The following GRIK4 variants were observed in gnomAD, a reference collection of about 807,000 sequenced individuals.
GRIK4 encodes the protein glutamate ionotropic receptor kainate type subunit 4.
A neutral mutation model predicts 104.9 loss-of-function variants in GRIK4; 40 were observed. The observed-to-expected ratio is 0.38, with a 90% CI of 0.30 to 0.50. The LOEUF (loss-of-function observed/expected upper bound fraction) is 0.50. Ranked by LOEUF, GRIK4 falls within the 20% of genes least tolerant of loss-of-function variation. The pLI is 0.93. For missense variants in GRIK4, 1,047 were observed against 1,308.1 expected, an observed-to-expected ratio of 0.80 and a Z score of 3.08; for synonymous variants, 485 against 524.9, an observed-to-expected ratio of 0.92 and a Z score of 1.04.
At chr11:120,704,656 T>C (rs542107122) in intron 3 of GRIK4, among the ~76,000 whole-genome samples, 17 of 152,220 alleles carry the variant, frequency 1.1e-4, no homozygotes, top group African/African-American at 3.9e-4. Context: ...GGGCATGGTA[T>C]GTGGTCGGTA....
At position 120,923,404 on chromosome 11, in the gene GRIK4, A is replaced by ATTT. The variant is rs775194642; in HGVS notation, c.1477-16920_1477-16918dup. ...CATGCTAGGCCCGATCCATTTGCTC[A>ATTT]TTTTTTTTTTTTTTTTTTTTTTTTT... On this transcript the variant is annotated intron_variant, in intron 13 of 20. Transcript: ENST00000527524. 4.0e-3 allele frequency among the ~76,000 whole-genome samples: 325 copies of ATTT among 81,626 alleles called. 1 individual carries two copies. The highest frequency in any genetic ancestry group is 4.8e-3 in the Non-Finnish European group (214 of 45,038). 53.5% of individuals were successfully genotyped at this position (81,626 alleles called of 152,430 possible).
chr11:120,618,928 AT>A (rs1185105562), intron 1 of GRIK4, among the ~76,000 whole-genome samples: 1 of 152,206 alleles, frequency 6.6e-6, no homozygotes, highest in Non-Finnish European at 1.5e-5. Context: ...AAGGGGAAGT[AT>A]GGGGTTGGAG....
At chr11:120,864,829 C>T (rs532433957) in intron 9 of GRIK4, among the ~76,000 whole-genome samples, 13 of 152,308 alleles carry the variant, frequency 8.5e-5, no homozygotes, top group East Asian at 1.9e-4. Context: ...TGTGGGTCAG[C>T]GCTGCCATGG....
chr11:120,715,321 G>T (rs118171037), intron 3 of GRIK4, among the ~76,000 whole-genome samples: 1 of 152,190 alleles, frequency 6.6e-6, no homozygotes, highest in South Asian at 2.1e-4. Context: ...ATTAATTCAG[G>T]AAAAGGAAGC....
At chr11:120,853,220 A>G (rs1320155454) in intron 8 of GRIK4, among the ~76,000 whole-genome samples, 2 of 152,136 alleles carry the variant, frequency 1.3e-5, no homozygotes, top group African/African-American at 4.8e-5. Flanking sequence ...GTGGACACTG[A>G]GGAAAAGGTA....
chr11:120,527,792 G>A (rs555972093), intron 1 of GRIK4, among the ~76,000 whole-genome samples: 1 of 152,306 alleles, frequency 6.6e-6, no homozygotes, highest in East Asian at 1.9e-4. Flanking sequence ...CCAATCAGGT[G>A]GGGAAAAAGA....
chr11:120,808,776 T>C (rs1352223276), intron 4 of GRIK4, among the ~76,000 whole-genome samples: 1 of 152,174 alleles, frequency 6.6e-6, no homozygotes, highest in African/African-American at 2.4e-5. Flanking sequence ...GTGTACTCTG[T>C]GCAGTATAAA....
At chr11:120,804,454 C>T (rs1368896156) in intron 4 of GRIK4, among the ~76,000 whole-genome samples, 3 of 152,290 alleles carry the variant, frequency 2.0e-5, no homozygotes, top group East Asian at 3.9e-4. Context: ...GCCTTTCTCC[C>T]TCTCACAGCT....
At chr11:120,519,221 A>C (rs763896642) in intron 1 of GRIK4, among the ~76,000 whole-genome samples, 2 of 152,190 alleles carry the variant, frequency 1.3e-5, no homozygotes, top group Non-Finnish European at 2.9e-5. Context: ...GTACAATGCA[A>C]AGTACTTTCC....
chr11:120,598,890 C>T (rs1948842228), intron 1 of GRIK4, among the ~76,000 whole-genome samples: 1 of 152,156 alleles, frequency 6.6e-6, no homozygotes, highest in African/African-American at 2.4e-5. Flanking sequence ...TCCGGTTGGC[C>T]AAAGGAAGTC....
chr11:120,667,313 C>T (rs1949930890), intron 3 of GRIK4, among the ~76,000 whole-genome samples: 1 of 152,244 alleles, frequency 6.6e-6, no homozygotes, highest in Non-Finnish European at 1.5e-5. Flanking sequence ...ACATAAGAAC[C>T]CTGCTAATTC....
chr11:120,755,939 G>T lies in GRIK4; in HGVS notation c.83-46754G>T, dbSNP rs183499146. ...GTAACTTGGGGAGGTTAAGTGACTT[G>T]CCCAGAGTGACAATTACTAATTTTT... is the stretch of plus-strand genomic sequence containing the variant. On this transcript the variant is annotated intron_variant, in intron 3 of 20. Coordinates refer to ENST00000527524, the MANE Select transcript of GRIK4 (RefSeq NM_014619.5). 1.2e-3 allele frequency among the ~76,000 whole-genome samples: 183 copies of T among 152,256 alleles called. 1 individual carries two copies. Among genetic ancestry groups the T allele is most frequent in the African/African-American group, 4.2e-3 (176 of 41,530 alleles).
intron 18 of GRIK4, among the ~76,000 whole-genome samples, chr11:120,966,937 G>T (rs903096791): frequency 3.9e-5 from 6 of 152,208 alleles, no homozygotes; most frequent in Admixed American, 3.3e-4. Flanking sequence ...GGCTGGACCT[G>T]CCAGTCAGCA....
intron 4 of GRIK4, among the ~76,000 whole-genome samples, chr11:120,808,624 G>T (rs763710955): frequency 1.8e-4 from 27 of 152,216 alleles, no homozygotes; most frequent in Non-Finnish European, 3.5e-4. Flanking sequence ...AGCCAGCAAG[G>T]CCAATCCATT....
rs974624300 is a variant in GRIK4, at chr11:120,784,823, A to G, written c.83-17870A>G. On this transcript the variant is annotated intron_variant, in intron 3 of 20. Transcript: ENST00000527524. ...TGCCCCACCACCATCTCCCCAGTTC[A>G]TCCATGAGTCTTTGAGAGCAGGGGA... Among the ~76,000 whole-genome samples the G allele has an allele frequency of 4.6e-5, 7 of 151,902 alleles. No individual in the cohort carries two copies. In the South Asian group the frequency reaches 1.5e-3, roughly 32 times the overall value.
At chr11:120,849,293 G>A (rs1011351530) in intron 8 of GRIK4, among the ~76,000 whole-genome samples, 1 of 152,036 alleles carries the variant, frequency 6.6e-6, no homozygotes, top group Non-Finnish European at 1.5e-5. Context: ...CAATATCTCT[G>A]GACACATAAT....
intron 3 of GRIK4, among the ~76,000 whole-genome samples, chr11:120,700,419 A>G (rs565765244): frequency 4.3e-4 from 64 of 149,804 alleles, no homozygotes; most frequent in South Asian, 3.0e-3. Context: ...GATTACAGGC[A>G]TGTGCCACCA....
rs148377511 is a variant in GRIK4 at position 120,694,552 on chromosome 11, C to T, written c.82+34152C>T. Among the ~76,000 whole-genome samples the T allele has an allele frequency of 3.3e-3, 505 of 151,510 alleles. 4 individuals are homozygous for T. The highest frequency in any genetic ancestry group is 0.012 in the African/African-American group (487 of 41,438). Reference sequence around the variant, plus strand: ...CCCCCAACCCAACCTCTCAACATTTCACTGCAGCCACTGAGGGTGCTCTGG... The same window carrying T: ...CCCCCAACCCAACCTCTCAACATTTTACTGCAGCCACTGAGGGTGCTCTGG... On this transcript the variant is annotated intron_variant, in intron 3 of 20. Coordinates refer to ENST00000527524, the MANE Select transcript of GRIK4 (RefSeq NM_014619.5).
intron 1 of GRIK4, among the ~76,000 whole-genome samples, chr11:120,606,306 C>T (rs1327974047): frequency 1.3e-5 from 2 of 152,208 alleles, no homozygotes; most frequent in Non-Finnish European, 2.9e-5. Flanking sequence ...CTCAGCGTCT[C>T]ACTTGAGCAG....
Sources: allele counts gnomAD v4.1 joint callset (sites outside exome capture counted in the v4.1 genomes callset), GRCh38; gene constraint gnomAD v4.1.1; transcripts MANE v1.5; gene names NCBI Gene and HGNC (gene_info 2026-07-23, HGNC 2026-07-21).